The following ATP2C2 variants were observed in gnomAD, a reference collection of about 807,000 sequenced individuals.
ATP2C2 encodes the protein ATPase secretory pathway Ca2+ transporting 2, also known as calcium-transporting ATPase type 2C member 2.
A neutral mutation model predicts 110.8 loss-of-function variants in ATP2C2; 171 were observed. That is an observed-to-expected ratio of 1.54 (90% confidence interval 1.36 to 1.75). ATP2C2 has a LOEUF of 1.75. Among genes scored for constraint, ATP2C2 ranks in the 40% most tolerant of loss-of-function variants. The probability of loss-of-function intolerance (pLI) is 0.00; values close to 1 mark genes in which losing one functional copy is unlikely to be tolerated. For synonymous variants in ATP2C2, 804 were observed against 508.4 expected (o/e 1.58, Z -7.82); for missense variants, 1,963 against 1,235.0 (o/e 1.59, Z -8.84).
intron 7 of ATP2C2, among the ~76,000 whole-genome samples, chr16:84,416,348 C>G (rs997108308): frequency 1.3e-5 from 2 of 152,190 alleles, no homozygotes; most frequent in African/African-American, 4.8e-5. Context: ...TTTCAAGAAT[C>G]TTTCCAAGAA....
chr16:84,431,503 A>T (rs548172836), intron 11 of ATP2C2, among the ~76,000 whole-genome samples: 1 of 152,066 alleles, frequency 6.6e-6, no homozygotes, highest in South Asian at 2.1e-4. Flanking sequence ...CTCAAGACGA[A>T]AAAAAGGGAG....
intron 11 of ATP2C2, among the ~76,000 whole-genome samples, chr16:84,436,069 C>G (rs1386310151): frequency 6.6e-6 from 1 of 152,040 alleles, no homozygotes; most frequent in Non-Finnish European, 1.5e-5. Context: ...GTGGATGTTG[C>G]AGTGAGCTGA....
intron 15 of ATP2C2, among the ~76,000 whole-genome samples, chr16:84,444,109 A>G (rs180823531): frequency 1.6e-5 from 2 of 125,192 alleles, no homozygotes; most frequent in South Asian, 2.6e-4. Flanking sequence ...TGAGGCTGCA[A>G]TGAGCTATGA....
intron 4 of ATP2C2, among the ~76,000 whole-genome samples, chr16:84,409,015 A>G (rs1398015426): frequency 1.3e-5 from 2 of 152,170 alleles, no homozygotes; most frequent in Admixed American, 1.3e-4. Flanking sequence ...TGTGCTCACC[A>G]GACAGTCACT....
rs1374480857 is a variant in ATP2C2, at chr16:84,397,867, C to T, written c.100-632C>T. The stretch of plus-strand genomic sequence containing the variant: ...ACTAACAATGTTGAGTGAAAGAAAT[C>T]AGACAAGAAAGCATGTATGAGTGTA... On this transcript the variant is annotated intron_variant, in intron 1 of 26. Transcript: ENST00000262429. Among the ~76,000 whole-genome samples, 6 of 151,820 alleles carry T rather than the reference C, an allele frequency of 4.0e-5. No homozygotes were observed. In the East Asian group the frequency reaches 9.7e-4, roughly 24 times the overall value.
Position 84,440,931 on chromosome 16 carries a change from C to T in ATP2C2, c.1284C>T (p.Ser428=), listed in dbSNP as rs771865033. The change falls in exon 14 of 27, where the codon TCC becomes TCT. Residue 428 remains serine (S), a synonymous_variant. Coordinates refer to ENST00000262429, the MANE Select transcript of ATP2C2 (RefSeq NM_014861.4). ...CCAAGGAAGTCATTAAGGAATTTTC[C>T]AATGTCTCAGTGGGAAAGTTAGTGG... ...LPSKEVIKEF[S]NVSVGKLVEA... is the part of the protein sequence containing the mutation. 1.2e-6 allele frequency: 2 copies of T among 1,613,024 alleles called. No individual in the cohort carries two copies. The highest frequency in any genetic ancestry group is 2.2e-5 in the East Asian group (1 of 44,866).
At chr16:84,390,842 G>A (rs992102892) in intron 1 of ATP2C2, among the ~76,000 whole-genome samples, 6 of 152,140 alleles carry the variant, frequency 3.9e-5, no homozygotes, top group African/African-American at 1.2e-4. Flanking sequence ...GGCCGGGCGC[G>A]GTGGCTCACG....
At position 84,401,715 on chromosome 16, in the gene ATP2C2, C is replaced by A. The variant is rs553284137; in HGVS notation, c.210+3106C>A. 8.5e-5 allele frequency among the ~76,000 whole-genome samples: 13 copies of A among 152,224 alleles called. No individual in the cohort carries two copies. The South Asian group carries it at 2.7e-3, about 32-fold the overall frequency. On this transcript the variant is annotated intron_variant, in intron 2 of 26. Transcript: ENST00000262429. ...TGTCTGTTTTTATGACAGTACCATGCTGTTTTGGTTACTAAAGCTCTGCAG... is the reference window on the plus strand; with the variant it reads ...TGTCTGTTTTTATGACAGTACCATGATGTTTTGGTTACTAAAGCTCTGCAG...
chr16:84,415,496 A>C lies in ATP2C2; in HGVS notation c.529A>C (p.Lys177Gln), dbSNP rs1210736385. Residue 177 changes from lysine (K) to glutamine (Q), a missense_variant, in exon 7 of 27, where the codon AAA becomes CAA. Lys to Gln is a moderately conservative substitution (Grantham distance 53). Transcript: ENST00000262429. ...TGTCAAATGCAGCCTAAGAGAAGGA[A>C]AACTCCAGCACCTGCTTGCTCGAGA... is the stretch of plus-strand genomic sequence containing the variant. The part of the protein sequence containing the change: ...PPECNCLREG[K>Q]LQHLLARELV... 1.1e-5 allele frequency: 17 copies of C among 1,613,996 alleles called. No individual in the cohort carries two copies. Among genetic ancestry groups the C allele is most frequent in the African/African-American group, 1.3e-5 (1 of 74,902 alleles).
At chr16:84,445,802 G>A (rs146068540) in intron 15 of ATP2C2, among the ~76,000 whole-genome samples, 38 of 152,278 alleles carry the variant, frequency 2.5e-4, no homozygotes, top group Non-Finnish European at 5.0e-4. Flanking sequence ...CTGCTGCACC[G>A]CATTTTCACC....
At chr16:84,429,036 T>A (rs991106099) in intron 11 of ATP2C2, among the ~76,000 whole-genome samples, 1 of 152,216 alleles carries the variant, frequency 6.6e-6, no homozygotes, top group Non-Finnish European at 1.5e-5. Context: ...AGGCTCTGGA[T>A]AATGAAACCC....
chr16:84,391,063 G>A (rs1176285219), intron 1 of ATP2C2, among the ~76,000 whole-genome samples: 1 of 132,824 alleles, frequency 7.5e-6, no homozygotes, highest in Admixed American at 8.8e-5. Context: ...GCAGTGAGCC[G>A]AGATCACACT....
chr16:84,381,931 G>A (rs1910602164), intron 1 of ATP2C2, among the ~76,000 whole-genome samples: 1 of 152,218 alleles, frequency 6.6e-6, no homozygotes, highest in African/African-American at 2.4e-5. Context: ...AGGGCGGCCT[G>A]AATTCTAAGC....
intron 6 of ATP2C2, among the ~76,000 whole-genome samples, chr16:84,413,730 G>C (rs1477886319): frequency 1.3e-5 from 2 of 152,052 alleles, no homozygotes; most frequent in East Asian, 3.9e-4. Flanking sequence ...CTGAAGAGGT[G>C]AAGCCCACCC....
chr16:84,417,340 C>T (rs1906932276), intron 7 of ATP2C2, among the ~76,000 whole-genome samples: 1 of 152,158 alleles, frequency 6.6e-6, no homozygotes, highest in Non-Finnish European at 1.5e-5. Context: ...ATTCACCTCT[C>T]TGAGCTTCGA....
At chr16:84,390,432 C>T (rs1567690014) in intron 1 of ATP2C2, among the ~76,000 whole-genome samples, 2 of 152,218 alleles carry the variant, frequency 1.3e-5, no homozygotes, top group Non-Finnish European at 1.5e-5. Context: ...CTCTTGGAAA[C>T]CTTTCTCTTC....
intron 16 of ATP2C2, among the ~76,000 whole-genome samples, chr16:84,446,786 A>G (rs1909790872): frequency 6.6e-6 from 1 of 152,112 alleles, no homozygotes; most frequent in Non-Finnish European, 1.5e-5. Context: ...TGCAGGTGCA[A>G]ATGTTGAGAT....
chr16:84,446,074 T>C (rs924451536), intron 15 of ATP2C2, among the ~76,000 whole-genome samples: 1 of 152,124 alleles, frequency 6.6e-6, no homozygotes, highest in African/African-American at 2.4e-5. Flanking sequence ...ACACTGCAGG[T>C]TTGTTTCTAA....
chr16:84,446,168 T>G (rs1297892269), intron 15 of ATP2C2, among the ~76,000 whole-genome samples, 161 bp from the exon 16 acceptor site: 2 of 151,398 alleles, frequency 1.3e-5, no homozygotes, highest in African/African-American at 4.8e-5. Context: ...TTTTTCTAGG[T>G]GGGACATTCC....
Sources: allele counts gnomAD v4.1 joint callset (sites outside exome capture counted in the v4.1 genomes callset), GRCh38; gene constraint gnomAD v4.1.1; transcripts MANE v1.5; gene names NCBI Gene and HGNC (gene_info 2026-07-23, HGNC 2026-07-21).